Variants in CADM1 observed in about 807,000 individuals in gnomAD.
CADM1 encodes the protein TSLC-1.
A neutral mutation model predicts 53.1 loss-of-function variants in CADM1; 15 were observed. That is an observed-to-expected ratio of 0.28 (90% confidence interval 0.19 to 0.44). The LOEUF (loss-of-function observed/expected upper bound fraction) is 0.44. Among genes scored for constraint, CADM1 ranks in the 20% least tolerant of loss-of-function variants. The pLI, the probability that CADM1 is intolerant of heterozygous loss-of-function variation, is 1.00. For missense variants in CADM1, 434 were observed against 611.3 expected (o/e 0.71, Z 3.06); for synonymous variants, 281 against 243.0 (o/e 1.16, Z -1.45).
At chr11:115,499,505 C>T (rs188997185) in intron 1 of CADM1, among the ~76,000 whole-genome samples, 103 of 152,358 alleles carry the variant, frequency 6.8e-4, no homozygotes, top group African/African-American at 2.4e-3. Flanking sequence ...GGTTTATTAC[C>T]TAGAGCAACA....
chr11:115,302,731 A>G (rs1321919624), intron 1 of CADM1, among the ~76,000 whole-genome samples: 1 of 152,098 alleles, frequency 6.6e-6, no homozygotes, highest in Admixed American at 6.6e-5. Context: ...TGACAAAAAT[A>G]AAGGAGGCAA....
Position 115,174,374 on chromosome 11 carries a change from T to C in CADM1, c.*2100A>G. The C allele has an allele frequency of 1.0e-6, 1 of 985,678 alleles. No individual in the cohort carries two copies. Among genetic ancestry groups the C allele is most frequent in the Non-Finnish European group, 1.2e-6 (1 of 829,812 alleles). 61.1% of individuals were successfully genotyped at this position (985,678 alleles called of 1,614,324 possible). A position where few individuals can be genotyped will look rare whatever the true frequency, so the allele number is the denominator to read the frequency against. On this transcript the variant is annotated 3_prime_UTR_variant, in exon 12 of 12. Transcript: ENST00000331581. ...TGATTCTCACCCTTTGATATGATTA[T>C]ACTATGGTCGGAATGGGTGCTAAGG...
At chr11:115,472,487 G>A (rs929151326) in intron 1 of CADM1, among the ~76,000 whole-genome samples, 4 of 152,142 alleles carry the variant, frequency 2.6e-5, no homozygotes, top group African/African-American at 7.2e-5. Flanking sequence ...GCACATGCAC[G>A]TGCACATGCA....
intron 5 of CADM1, among the ~76,000 whole-genome samples, chr11:115,226,091 G>A (rs951891825): frequency 2.6e-5 from 4 of 151,894 alleles, no homozygotes; most frequent in African/African-American, 9.7e-5. Context: ...GTTTCTCACC[G>A]AGAACATAAG....
intron 1 of CADM1, among the ~76,000 whole-genome samples, chr11:115,244,761 C>G (rs1047822734): frequency 2.0e-5 from 3 of 152,196 alleles, no homozygotes; most frequent in Non-Finnish European, 4.4e-5. Flanking sequence ...GGTTGTTTGC[C>G]TATGAGCAAC....
chr11:115,463,105 ACT>A (rs1319318883), intron 1 of CADM1, among the ~76,000 whole-genome samples: 1 of 151,498 alleles, frequency 6.6e-6, no homozygotes, highest in East Asian at 1.9e-4. Flanking sequence ...TTTAACACAG[ACT>A]CTCCCCAAAA....
intron 8 of CADM1, among the ~76,000 whole-genome samples, chr11:115,207,748 T>G (rs896005832): frequency 1.3e-5 from 2 of 151,992 alleles, no homozygotes; most frequent in African/African-American, 4.8e-5. Context: ...CTAGAATGAG[T>G]GGTAATAAAT....
chr11:115,259,705 C>T (rs755378866), intron 1 of CADM1, among the ~76,000 whole-genome samples: 8 of 152,094 alleles, frequency 5.3e-5, no homozygotes, highest in Non-Finnish European at 7.3e-5. Flanking sequence ...CCTTAACGTT[C>T]GGTATAGCCC....
chr11:115,289,638 C>T (rs925790552), intron 1 of CADM1, among the ~76,000 whole-genome samples: 3 of 144,508 alleles, frequency 2.1e-5, no homozygotes, highest in African/African-American at 7.8e-5. Context: ...CTCTGTCGCC[C>T]AGGCTGGAGT....
At chr11:115,353,642 G>C (rs754281232) in intron 1 of CADM1, among the ~76,000 whole-genome samples, 3 of 152,170 alleles carry the variant, frequency 2.0e-5, no homozygotes, top group Admixed American at 6.5e-5. Flanking sequence ...AGAATACGCA[G>C]AGAAGTTGAA....
At chr11:115,484,360 C>T (rs1435839278) in intron 1 of CADM1, among the ~76,000 whole-genome samples, 1 of 152,164 alleles carries the variant, frequency 6.6e-6, no homozygotes, top group Admixed American at 6.5e-5. Context: ...CTGTGCTACA[C>T]TAGGATTTGT....
At chr11:115,307,508 G>A (rs1441328359) in intron 1 of CADM1, among the ~76,000 whole-genome samples, 14 of 143,040 alleles carry the variant, frequency 9.8e-5, no homozygotes, top group African/African-American at 2.8e-4. Context: ...TTTAAGCCAG[G>A]AAAAAAAAAA....
intron 1 of CADM1, among the ~76,000 whole-genome samples, chr11:115,445,200 G>A (rs998665021): frequency 2.0e-5 from 3 of 152,026 alleles, no homozygotes; most frequent in Non-Finnish European, 4.4e-5. Flanking sequence ...GTTTGACTGG[G>A]TTTTCATCAA....
At chr11:115,430,182 G>A (rs949223548) in intron 1 of CADM1, among the ~76,000 whole-genome samples, 1 of 152,154 alleles carries the variant, frequency 6.6e-6, no homozygotes, top group East Asian at 1.9e-4. Flanking sequence ...GTCTTTAAAT[G>A]CATGACTTAT....
intron 1 of CADM1, among the ~76,000 whole-genome samples, chr11:115,245,682 G>GA (rs1942385789): frequency 3.9e-5 from 6 of 152,062 alleles, no homozygotes; most frequent in African/African-American, 1.4e-4. Flanking sequence ...GGAAAAGAAT[G>GA]AAAAAAATTA....
intron 1 of CADM1, among the ~76,000 whole-genome samples, chr11:115,394,739 A>T (rs1326413430): frequency 6.6e-6 from 1 of 152,214 alleles, no homozygotes; most frequent in Admixed American, 6.5e-5. Context: ...AGTGCTAATC[A>T]AGTTTCTGAA....
intron 1 of CADM1, among the ~76,000 whole-genome samples, chr11:115,334,794 C>A (rs562090079): frequency 2.1e-4 from 32 of 152,198 alleles, no homozygotes; most frequent in East Asian, 1.4e-3. Context: ...ACATCACATA[C>A]AAAGGGGCTC....
At chr11:115,448,583 A>G (rs1198788509) in intron 1 of CADM1, among the ~76,000 whole-genome samples, 1 of 151,944 alleles carries the variant, frequency 6.6e-6, no homozygotes, top group Non-Finnish European at 1.5e-5. Context: ...TTCAACTCAT[A>G]AACTGCAATA....
chr11:115,324,449 A>T (rs1442739726), intron 1 of CADM1, among the ~76,000 whole-genome samples: 2 of 152,180 alleles, frequency 1.3e-5, no homozygotes, highest in African/African-American at 4.8e-5. Context: ...GTACTTTTAC[A>T]TGCTATATAC....
Sources: gnomAD v4.1 joint callset for allele counts (sites outside exome capture counted in the v4.1 genomes callset) on GRCh38, gnomAD v4.1.1 for gene constraint, MANE v1.5 for transcripts, NCBI Gene and HGNC (gene_info 2026-07-23, HGNC 2026-07-21) for gene names.